The following WWOX variants were observed in gnomAD, a reference collection of about 807,000 sequenced individuals.
WWOX encodes the protein WW domain containing oxidoreductase.
Under a neutral mutation model 46.2 loss-of-function variants are expected in WWOX, and 69 were observed. The observed-to-expected ratio is 1.49, with a 90% CI of 1.23 to 1.82. WWOX has a LOEUF of 1.82. Among genes scored for constraint, WWOX ranks in the 40% most tolerant of loss-of-function variants. The probability of loss-of-function intolerance (pLI) is 0.00; values close to 1 mark genes in which losing one functional copy is unlikely to be tolerated. For synonymous variants in WWOX, 359 were observed against 202.6 expected, an observed-to-expected ratio of 1.77 and a Z score of -6.56; for missense variants, 919 against 542.6, an observed-to-expected ratio of 1.69 and a Z score of -6.89.
At chr16:79,161,812 C>T (rs1269755546) in intron 8 of WWOX, among the ~76,000 whole-genome samples, 6 of 152,348 alleles carry the variant, frequency 3.9e-5, no homozygotes, top group Admixed American at 2.0e-4. Flanking sequence ...AGCCACCTCA[C>T]GTGGTTGAGA....
intron 5 of WWOX, among the ~76,000 whole-genome samples, chr16:78,365,271 A>G (rs2081508586): frequency 6.6e-6 from 1 of 152,306 alleles, no homozygotes; most frequent in Non-Finnish European, 1.5e-5. Flanking sequence ...CAACGCATCC[A>G]TGGAAGTGAA....
chr16:78,626,956 G>A (rs1250713317), intron 8 of WWOX, among the ~76,000 whole-genome samples: 2 of 152,090 alleles, frequency 1.3e-5, no homozygotes, highest in Non-Finnish European at 2.9e-5. Context: ...TTCTTGTGAT[G>A]TACACACATC....
At chr16:79,033,094 A>C (rs1015740230) in intron 8 of WWOX, among the ~76,000 whole-genome samples, 1 of 150,158 alleles carries the variant, frequency 6.7e-6, no homozygotes, top group African/African-American at 2.4e-5. Context: ...TGCAAAGGAC[A>C]TGATCTCATT....
intron 6 of WWOX, among the ~76,000 whole-genome samples, chr16:78,401,581 G>A (rs982189149): frequency 6.6e-6 from 1 of 152,134 alleles, no homozygotes; most frequent in African/African-American, 2.4e-5. Flanking sequence ...GTCTGCTTTA[G>A]GGAAAGGGTG....
intron 5 of WWOX, among the ~76,000 whole-genome samples, chr16:78,358,991 T>G (rs2081354841): frequency 6.6e-6 from 1 of 151,874 alleles, no homozygotes; most frequent in Admixed American, 6.6e-5. Context: ...TAATCCCTTA[T>G]TGCTGGGCAC....
At chr16:78,496,709 C>T (rs902970267) in intron 8 of WWOX, among the ~76,000 whole-genome samples, 1 of 152,220 alleles carries the variant, frequency 6.6e-6, no homozygotes, top group Admixed American at 6.5e-5. Context: ...TCACTGACAA[C>T]TCACTATGTA....
intron 5 of WWOX, among the ~76,000 whole-genome samples, chr16:78,296,759 C>T (rs570668154): frequency 1.3e-4 from 20 of 152,140 alleles, no homozygotes; most frequent in South Asian, 1.2e-3. Context: ...CAATTCATAT[C>T]TAAAAATAAA....
At chr16:78,101,439 C>T (rs1413186828) in intron 1 of WWOX, among the ~76,000 whole-genome samples, 3 of 149,236 alleles carry the variant, frequency 2.0e-5, no homozygotes, top group Non-Finnish European at 3.0e-5. Context: ...CTCTGCATGC[C>T]GAGTTCAAGC....
chr16:78,665,079 GA>G (rs2142183783), intron 8 of WWOX, among the ~76,000 whole-genome samples: 1 of 152,256 alleles, frequency 6.6e-6, no homozygotes, highest in Non-Finnish European at 1.5e-5. Flanking sequence ...GAATTGGTAG[GA>G]TCATCTATTA....
chr16:78,274,412 A>G (rs2079539992), intron 5 of WWOX, among the ~76,000 whole-genome samples: 1 of 152,070 alleles, frequency 6.6e-6, no homozygotes, highest in African/African-American at 2.4e-5. Flanking sequence ...TGGTTTCTAA[A>G]CTCTTCAGGT....
chr16:78,797,033 C>T (rs1026557477), intron 8 of WWOX, among the ~76,000 whole-genome samples: 1 of 151,998 alleles, frequency 6.6e-6, no homozygotes, highest in African/African-American at 2.4e-5. Context: ...ACCATGTTGG[C>T]CAGTCTGGTC....
chr16:78,607,290 T>C (rs1239309534), intron 8 of WWOX, among the ~76,000 whole-genome samples: 1 of 152,088 alleles, frequency 6.6e-6, no homozygotes, highest in Non-Finnish European at 1.5e-5. Flanking sequence ...ATATACAAAA[T>C]AGTTGTAAGA....
At chr16:78,836,038 A>C (rs1205726825) in intron 8 of WWOX, among the ~76,000 whole-genome samples, 1 of 152,224 alleles carries the variant, frequency 6.6e-6, no homozygotes, top group Admixed American at 6.5e-5. Flanking sequence ...ATACATAGTG[A>C]CATGAAAATT....
chr16:78,835,391 G>T (rs567031830), intron 8 of WWOX, among the ~76,000 whole-genome samples: 1 of 152,182 alleles, frequency 6.6e-6, no homozygotes, highest in South Asian at 2.1e-4. Context: ...TCCTCTTAAA[G>T]GGGCCAGCAA....
intron 5 of WWOX, among the ~76,000 whole-genome samples, chr16:78,195,847 A>G (rs1011011215): frequency 9.9e-5 from 15 of 151,858 alleles, no homozygotes; most frequent in African/African-American, 3.6e-4. Context: ...AAAAGAAAAA[A>G]AAAAGATTGA....
intron 5 of WWOX, among the ~76,000 whole-genome samples, chr16:78,199,348 GAACAA>G (rs2036159106): frequency 6.7e-6 from 1 of 149,342 alleles, no homozygotes. Flanking sequence ...AACAAACTAA[GAACAA>G]CAACGAAAAA....
At chr16:79,060,016 A>T (rs1488655301) in intron 8 of WWOX, among the ~76,000 whole-genome samples, 1 of 152,050 alleles carries the variant, frequency 6.6e-6, no homozygotes, top group Non-Finnish European at 1.5e-5. Flanking sequence ...TTTTATTTAC[A>T]TTTTGTACAA....
At chr16:78,249,934 A>G (rs1323136191) in intron 5 of WWOX, among the ~76,000 whole-genome samples, 1 of 152,172 alleles carries the variant, frequency 6.6e-6, no homozygotes, top group Non-Finnish European at 1.5e-5. Context: ...CTCAGAAAGT[A>G]ATAAAGCCCT....
intron 8 of WWOX, among the ~76,000 whole-genome samples, chr16:78,824,717 C>G (rs867913239): frequency 1.3e-5 from 2 of 152,052 alleles, no homozygotes; most frequent in African/African-American, 4.8e-5. Context: ...TTCACTATCA[C>G]GAGGATAGCG....
Sources: allele counts gnomAD v4.1 joint callset (sites outside exome capture counted in the v4.1 genomes callset), GRCh38; gene constraint gnomAD v4.1.1; transcripts MANE v1.5; gene names NCBI Gene and HGNC (gene_info 2026-07-23, HGNC 2026-07-21).